Variants in MEGF11 observed in about 807,000 individuals in gnomAD.
MEGF11 encodes multiple EGF like domains 11.
In MEGF11, 126 loss-of-function variants were observed where a neutral mutation model predicts 146.6. That is an observed-to-expected ratio of 0.86 (90% CI 0.74 to 1.00). MEGF11 has a LOEUF of 1.00. MEGF11 is among the 50% of genes least tolerant of loss of function. MEGF11 has a pLI of 0.00. For synonymous variants in MEGF11, 532 were observed against 583.4 expected (o/e 0.91, Z 1.27); for missense variants, 1,509 against 1,521.2 (o/e 0.99, Z 0.13).
intron 24 of MEGF11, among the ~76,000 whole-genome samples, chr15:65,899,539 T>G (rs1453784410): frequency 6.6e-6 from 1 of 152,110 alleles, no homozygotes; most frequent in Non-Finnish European, 1.5e-5. Flanking sequence ...GAAGCTTAGG[T>G]TCAGAAGAAG....
intron 1 of MEGF11, among the ~76,000 whole-genome samples, chr15:66,206,274 G>A (rs1369979616): frequency 6.6e-6 from 1 of 152,070 alleles, no homozygotes; most frequent in Admixed American, 6.6e-5. Flanking sequence ...CAGCTTCGGG[G>A]GCTTATGGGA....
chr15:66,125,020 A>G (rs1216889159), intron 2 of MEGF11, among the ~76,000 whole-genome samples: 1 of 152,236 alleles, frequency 6.6e-6, no homozygotes, highest in African/African-American at 2.4e-5. Flanking sequence ...GCCTTGCCTG[A>G]GGAAACTGCA....
At chr15:65,991,540 C>T (rs577215005) in intron 5 of MEGF11, among the ~76,000 whole-genome samples, 1 of 152,296 alleles carries the variant, frequency 6.6e-6, no homozygotes, top group Non-Finnish European at 1.5e-5. Flanking sequence ...TGGCCTCTAC[C>T]CACGAGATGC....
intron 5 of MEGF11, among the ~76,000 whole-genome samples, chr15:66,019,393 T>C (rs2083017558): frequency 6.6e-6 from 1 of 152,370 alleles, no homozygotes; most frequent in Non-Finnish European, 1.5e-5. Context: ...AATAAATGTA[T>C]TCAGCAAGTG....
intron 1 of MEGF11, among the ~76,000 whole-genome samples, chr15:66,178,404 A>G (rs2090450384): frequency 6.6e-6 from 1 of 152,150 alleles, no homozygotes; most frequent in African/African-American, 2.4e-5. Flanking sequence ...TGAGGCCTCT[A>G]AATGAAAACT....
At chr15:66,064,906 A>C (rs2085057351) in intron 5 of MEGF11, among the ~76,000 whole-genome samples, 1 of 152,190 alleles carries the variant, frequency 6.6e-6, no homozygotes, top group African/African-American at 2.4e-5. Context: ...TTCCTCCATC[A>C]GGCTGGGAGC....
At chr15:66,204,987 T>A (rs2140105396) in intron 1 of MEGF11, among the ~76,000 whole-genome samples, 2 of 151,276 alleles carry the variant, frequency 1.3e-5, no homozygotes, top group South Asian at 4.2e-4. Context: ...GAATTTTTTT[T>A]TTTTTTTTTT....
chr15:66,168,431 T>TCTCACCTGCAGTGA (rs2090158054), intron 1 of MEGF11, among the ~76,000 whole-genome samples: 2 of 152,150 alleles, frequency 1.3e-5, no homozygotes, highest in African/African-American at 4.8e-5. Flanking sequence ...AGATCAGTGA[T>TCTCACCTGCAGTGA]GATCTGCTCC....
chr15:65,909,223 G>C, intron 22 of MEGF11, 88 bp from the exon 23 acceptor site: 2 of 957,004 alleles, frequency 2.1e-6, no homozygotes, highest in Non-Finnish European at 1.6e-6. Flanking sequence ...AAGTGGGCCA[G>C]GGTCAGGGTG....
At chr15:65,999,250 A>T (rs1567196305) in intron 5 of MEGF11, among the ~76,000 whole-genome samples, 1 of 151,634 alleles carries the variant, frequency 6.6e-6, no homozygotes, top group Non-Finnish European at 1.5e-5. Flanking sequence ...GGCTGGTCTC[A>T]AACTCCTGAG....
At chr15:66,139,608 A>G (rs8025818) in intron 1 of MEGF11, among the ~76,000 whole-genome samples, 102,701 of 150,096 alleles carry the variant, frequency 0.68, 36,102 homozygotes, top group South Asian at 0.84. Flanking sequence ...CCACAGTAGG[A>G]TAAAAAAAAA....
chr15:66,050,051 G>A (rs1365415626), intron 5 of MEGF11, among the ~76,000 whole-genome samples: 1 of 152,148 alleles, frequency 6.6e-6, no homozygotes. Context: ...CCTACATTCC[G>A]TGTTAAAAAT....
At chr15:66,009,148 T>C (rs916205506) in intron 5 of MEGF11, among the ~76,000 whole-genome samples, 1 of 152,184 alleles carries the variant, frequency 6.6e-6, no homozygotes, top group Non-Finnish European at 1.5e-5. Flanking sequence ...GCCTGGGGAC[T>C]CTTTGAATTG....
chr15:66,238,598 T>C (rs1230769910), intron 1 of MEGF11, among the ~76,000 whole-genome samples: 2 of 152,208 alleles, frequency 1.3e-5, no homozygotes, highest in South Asian at 4.1e-4. Flanking sequence ...TTAAACCCAC[T>C]GCGTGGATTA....
At chr15:65,961,226 G>T (rs1174357896) in intron 9 of MEGF11, among the ~76,000 whole-genome samples, 2 of 152,110 alleles carry the variant, frequency 1.3e-5, no homozygotes, top group African/African-American at 4.8e-5. Flanking sequence ...AGGGACTGCT[G>T]TTTTTGGCTC....
At chr15:66,085,501 C>A (rs574533431) in intron 5 of MEGF11, among the ~76,000 whole-genome samples, 56 of 152,342 alleles carry the variant, frequency 3.7e-4, no homozygotes, top group Non-Finnish European at 6.5e-4. Context: ...CATCACAGGA[C>A]TCTGTGCAGA....
intron 4 of MEGF11, among the ~76,000 whole-genome samples, chr15:66,103,309 G>A (rs1258355678): frequency 1.3e-5 from 2 of 152,228 alleles, no homozygotes; most frequent in African/African-American, 2.4e-5. Flanking sequence ...TGGTTATTAT[G>A]AGCGTGAAAA....
chr15:66,076,558 T>C (rs1176918336), intron 5 of MEGF11, among the ~76,000 whole-genome samples: 5 of 152,196 alleles, frequency 3.3e-5, no homozygotes, highest in Non-Finnish European at 2.9e-5. Flanking sequence ...TGTGGCACTA[T>C]TGAACAGTGA....
rs149940181 is a variant in MEGF11, at chr15:66,228,215, TC to T, written c.-9+25389del. ...GACCAGGGGAGCTTAGCAAATCATATCACAGCAGGAAGGCTCTTCAGAAAAC... is the reference window on the plus strand; with the variant it reads ...GACCAGGGGAGCTTAGCAAATCATATACAGCAGGAAGGCTCTTCAGAAAAC... On this transcript the variant is annotated intron_variant, in intron 1 of 25. Transcript: ENST00000395614. 3.5e-3 allele frequency among the ~76,000 whole-genome samples: 525 copies of T among 152,152 alleles called. 9 individuals are homozygous for T. The East Asian group carries it at 0.064, about 18-fold the overall frequency.
Sources: allele counts gnomAD v4.1 joint callset (sites outside exome capture counted in the v4.1 genomes callset), GRCh38; gene constraint gnomAD v4.1.1; transcripts MANE v1.5; gene names NCBI Gene and HGNC (gene_info 2026-07-23, HGNC 2026-07-21).